The following PRELID2 variants were observed in gnomAD, a reference collection of about 807,000 sequenced individuals.
PRELID2 encodes the protein PRELI domain-containing protein 2.
In PRELID2, 25 loss-of-function variants were observed where a neutral mutation model predicts 28.4. The observed-to-expected ratio is 0.88, with a 90% CI of 0.64 to 1.23. PRELID2 has a LOEUF of 1.23. PRELID2 is among the 50% of genes most tolerant of loss of function. The probability of loss-of-function intolerance (pLI) is 0.00; values close to 1 mark genes in which losing one functional copy is unlikely to be tolerated. For synonymous variants in PRELID2, 76 were observed against 71.6 expected, an observed-to-expected ratio of 1.06 and a Z score of -0.31; for missense variants, 201 against 214.4, an observed-to-expected ratio of 0.94 and a Z score of 0.39.
chr5:145,471,685 C>A (rs538325136), downstream of PRELID2: 1 of 152,032 alleles, frequency 6.6e-6, no homozygotes, highest in East Asian at 1.9e-4. Flanking sequence ...AGTGTGACTG[C>A]TTCTTCCTTT....
intron 1 of PRELID2, among the ~76,000 whole-genome samples, chr5:145,483,380 G>A (rs1024216202): frequency 1.3e-5 from 2 of 152,270 alleles, no homozygotes; most frequent in South Asian, 4.1e-4. Flanking sequence ...CTATGCAGAG[G>A]GTGAGGCTAT....
intron 1 of PRELID2, among the ~76,000 whole-genome samples, chr5:145,614,711 G>A (rs371361864): frequency 1.6e-4 from 25 of 152,192 alleles, no homozygotes; most frequent in South Asian, 1.5e-3. Flanking sequence ...TTATTTATAC[G>A]TTCTAGAAGC....
chr5:145,741,937 A>T (rs1405846554), intron 1 of PRELID2, among the ~76,000 whole-genome samples: 13 of 37,788 alleles, frequency 3.4e-4, no homozygotes, highest in African/African-American at 7.8e-4. Flanking sequence ...AATTTATTAT[A>T]AATAAATAAA....
intron 1 of PRELID2, among the ~76,000 whole-genome samples, chr5:145,614,576 C>CTT (rs61424758): frequency 6.3e-4 from 95 of 151,794 alleles, no homozygotes; most frequent in African/African-American, 2.2e-3. Context: ...ATTTTTATTA[C>CTT]TTTTTTTTGC....
At chr5:145,529,627 C>T (rs1752638580) in intron 1 of PRELID2, among the ~76,000 whole-genome samples, 1 of 152,078 alleles carries the variant, frequency 6.6e-6, no homozygotes, top group African/African-American at 2.4e-5. Flanking sequence ...GTTCCAAGCA[C>T]TAGGAAACAG....
chr5:145,433,305 G>T, the PRELID2 span, among the ~76,000 whole-genome samples: 2 of 152,288 alleles, frequency 1.3e-5, no homozygotes, highest in East Asian at 3.9e-4. Context: ...ATGTGAGGGT[G>T]AGGTGCGCTG....
chr5:145,470,684 T>C (rs768583937), downstream of PRELID2, among the ~76,000 whole-genome samples: 1 of 152,092 alleles, frequency 6.6e-6, no homozygotes, highest in African/African-American at 2.4e-5. Flanking sequence ...CTTAGCATGA[T>C]ATGAATGACA....
chr5:145,355,199 T>C, the PRELID2 span, among the ~76,000 whole-genome samples: 1 of 152,130 alleles, frequency 6.6e-6, no homozygotes, highest in Non-Finnish European at 1.5e-5. Flanking sequence ...AAAAATACTT[T>C]CTTACATAAG....
At chr5:145,655,108 GACAA>G (rs1452467912) in intron 1 of PRELID2, among the ~76,000 whole-genome samples, 1 of 151,568 alleles carries the variant, frequency 6.6e-6, no homozygotes, top group South Asian at 2.1e-4. Context: ...ACCAATAACA[GACAA>G]ACAGAGAGCC....
chr5:145,661,685 AAAAAC>A (rs1283697774), intron 1 of PRELID2, among the ~76,000 whole-genome samples: 202 of 143,692 alleles, frequency 1.4e-3, no homozygotes, highest in African/African-American at 5.7e-3. Flanking sequence ...AAAAAAAAAA[AAAAAC>A]ATGTTATGCT....
intron 1 of PRELID2, among the ~76,000 whole-genome samples, chr5:145,489,869 C>T (rs1398310675): frequency 4.6e-5 from 7 of 152,166 alleles, no homozygotes; most frequent in South Asian, 2.1e-4. Flanking sequence ...GAAATACATA[C>T]ATTTATTTTT....
At chr5:145,504,205 C>T (rs1217837011) in intron 1 of PRELID2, among the ~76,000 whole-genome samples, 2 of 152,176 alleles carry the variant, frequency 1.3e-5, no homozygotes, top group Non-Finnish European at 2.9e-5. Context: ...CAGTGCCTGG[C>T]TGTGACCTTG....
At chr5:145,342,516 A>G in the PRELID2 span, among the ~76,000 whole-genome samples, 1 of 152,154 alleles carries the variant, frequency 6.6e-6, no homozygotes, top group African/African-American at 2.4e-5. Context: ...AATGGATTAA[A>G]TTATCCACTG....
chr5:145,567,875 G>A (rs575531731), intron 1 of PRELID2, among the ~76,000 whole-genome samples: 1 of 152,164 alleles, frequency 6.6e-6, no homozygotes, highest in Non-Finnish European at 1.5e-5. Context: ...TTTCTTCAGA[G>A]CAGTGTGAAA....
In PRELID2 at chr5:145,665,990, A is replaced by T. The variant is rs1320755901; in HGVS notation, n.70+98941T>A. The stretch of plus-strand genomic sequence containing the variant: ...ATAGCAAACTTGTCTTTTTTTTAAA[A>T]AAAAAAAAAAAAGAAAGAAAGAAAG... On this transcript the variant is annotated intron_variant and non_coding_transcript_variant, in intron 1 of 2. Transcript: ENST00000510259. 3.1e-3 allele frequency among the ~76,000 whole-genome samples: 446 copies of T among 143,924 alleles called. 1 individual carries two copies. Among genetic ancestry groups the T allele is most frequent in the African/African-American group, 0.011 (377 of 34,944 alleles). The allele number at this position is 143,924 out of a possible 152,430, so 94.4% of individuals were successfully genotyped here. A position where few individuals can be genotyped will look rare whatever the true frequency, so the allele number is the denominator to read the frequency against.
At chr5:145,316,577 C>T in the PRELID2 span, among the ~76,000 whole-genome samples, 5 of 152,180 alleles carry the variant, frequency 3.3e-5, no homozygotes, top group African/African-American at 1.2e-4. Context: ...CCACACAGTG[C>T]TAAACAAAAG....
chr5:145,418,157 A>T, the PRELID2 span, among the ~76,000 whole-genome samples: 1 of 152,202 alleles, frequency 6.6e-6, no homozygotes, highest in African/African-American at 2.4e-5. Context: ...CAGAAAAAAA[A>T]ATACCTAGGA....
rs374282856 is a variant in PRELID2, at chr5:145,719,971, A to G, written n.70+44960T>C. 2.6e-5 allele frequency among the ~76,000 whole-genome samples: 4 copies of G among 151,950 alleles called. No homozygotes were observed. The East Asian group carries it at 5.8e-4, about 22-fold the overall frequency. On this transcript the variant is annotated intron_variant and non_coding_transcript_variant, in intron 1 of 2. Coordinates refer to the PRELID2 transcript ENST00000510259. ...AAAAAGAAATCTTCTCAGAAAAATG[A>G]AAAATTAAATTACAAATTACCCAAG...
intron 1 of PRELID2, among the ~76,000 whole-genome samples, chr5:145,575,030 T>C (rs1753048914): frequency 6.6e-6 from 1 of 152,194 alleles, no homozygotes; most frequent in South Asian, 2.1e-4. Flanking sequence ...TTATGATACA[T>C]GTCATGCTTA....
Sources: gnomAD v4.1 joint callset for allele counts (sites outside exome capture counted in the v4.1 genomes callset) on GRCh38, gnomAD v4.1.1 for gene constraint, MANE v1.5 for transcripts, NCBI Gene and HGNC (gene_info 2026-07-23, HGNC 2026-07-21) for gene names.